The following ANXA10 variants were observed in gnomAD, a reference collection of about 807,000 sequenced individuals.
ANXA10 encodes annexin A10, also known as annexin 14.
A neutral mutation model predicts 53.5 loss-of-function variants in ANXA10; 49 were observed. That is an observed-to-expected ratio of 0.92 (90% CI 0.73 to 1.16). The LOEUF (loss-of-function observed/expected upper bound fraction) is 1.16, where lower values mean the gene tolerates loss of function less well. ANXA10 is among the 50% of genes most tolerant of loss of function. The pLI, the probability that ANXA10 is intolerant of heterozygous loss-of-function variation, is 0.00. For missense variants in ANXA10, 393 were observed against 394.4 expected (o/e 1.00, Z 0.03); for synonymous variants, 131 against 128.9 (o/e 1.02, Z -0.11).
chr4:168,183,766 A>T (rs1288810422), intron 10 of ANXA10, among the ~76,000 whole-genome samples: 2 of 152,184 alleles, frequency 1.3e-5, no homozygotes, highest in African/African-American at 4.8e-5. Flanking sequence ...TGAACTCTAA[A>T]GTGAACGATC....
intron 3 of ANXA10, among the ~76,000 whole-genome samples, chr4:168,147,497 T>C (rs1322918229): frequency 6.6e-6 from 1 of 152,200 alleles, no homozygotes; most frequent in Non-Finnish European, 1.5e-5. Flanking sequence ...TGGGGCTTCA[T>C]AGGTAGTAGC....
At chr4:168,173,498 C>T (rs1475180508) in intron 6 of ANXA10, among the ~76,000 whole-genome samples, 3 of 152,154 alleles carry the variant, frequency 2.0e-5, no homozygotes, top group Non-Finnish European at 4.4e-5. Context: ...GAAAAGACTA[C>T]AGGGAGCCAA....
At chr4:168,109,200 C>A (rs921919124) in intron 1 of ANXA10, among the ~76,000 whole-genome samples, 1 of 152,116 alleles carries the variant, frequency 6.6e-6, no homozygotes, top group African/African-American at 2.4e-5. Context: ...TTCTACCAAC[C>A]CTCACTTTCC....
At chr4:168,126,076 T>C (rs552640297) in intron 1 of ANXA10, among the ~76,000 whole-genome samples, 13 of 151,800 alleles carry the variant, frequency 8.6e-5, no homozygotes, top group Non-Finnish European at 1.9e-4. Flanking sequence ...CATTGAAAAA[T>C]GTACATTTTT....
At chr4:168,124,703 A>G (rs1731041476) in intron 1 of ANXA10, among the ~76,000 whole-genome samples, 1 of 152,226 alleles carries the variant, frequency 6.6e-6, no homozygotes, top group South Asian at 2.1e-4. Context: ...GGACATGTTC[A>G]TAAGCCTAGA....
intron 1 of ANXA10, among the ~76,000 whole-genome samples, chr4:168,112,204 G>A (rs1016397788): frequency 6.6e-6 from 1 of 152,140 alleles, no homozygotes; most frequent in Admixed American, 6.5e-5. Context: ...GCTGAGGCAG[G>A]AGAATTCCTT....
At chr4:168,119,669 C>T (rs1194766820) in intron 1 of ANXA10, among the ~76,000 whole-genome samples, 4 of 151,996 alleles carry the variant, frequency 2.6e-5, no homozygotes, top group Non-Finnish European at 4.4e-5. Context: ...TTATACGCTG[C>T]AAACAATTGA....
intron 6 of ANXA10, among the ~76,000 whole-genome samples, chr4:168,170,744 C>G (rs1197797689): frequency 6.6e-6 from 1 of 152,086 alleles, no homozygotes; most frequent in Non-Finnish European, 1.5e-5. Context: ...ATAAAGTTTA[C>G]TTTAACATTA....
At chr4:168,159,511 A>T (rs1310615479) in intron 3 of ANXA10, among the ~76,000 whole-genome samples, 1 of 152,138 alleles carries the variant, frequency 6.6e-6, no homozygotes, top group Non-Finnish European at 1.5e-5. Context: ...TAGTGATTCC[A>T]CCTGGGTCTA....
intron 3 of ANXA10, among the ~76,000 whole-genome samples, chr4:168,155,759 AATATATGATATATC>A (rs1731619921): frequency 4.0e-5 from 1 of 25,032 alleles, no homozygotes; most frequent in Non-Finnish European, 6.1e-5. Flanking sequence ...TATATTATAT[AATATATGATATATC>A]ATATATTATA....
chr4:168,097,664 G>T (rs1730573441), intron 1 of ANXA10, among the ~76,000 whole-genome samples: 1 of 152,030 alleles, frequency 6.6e-6, no homozygotes, highest in African/African-American at 2.4e-5. Flanking sequence ...ATCATTGCCT[G>T]CCAACTTCTG....
chr4:168,118,667 T>C (rs764203184), intron 1 of ANXA10, among the ~76,000 whole-genome samples: 1 of 152,210 alleles, frequency 6.6e-6, no homozygotes, highest in Non-Finnish European at 1.5e-5. Flanking sequence ...CTCTAGAGGA[T>C]TTCTCCTTCA....
At chr4:168,174,460 C>T (rs571127012) in intron 6 of ANXA10, among the ~76,000 whole-genome samples, 11 of 152,314 alleles carry the variant, frequency 7.2e-5, no homozygotes, top group African/African-American at 2.6e-4. Context: ...CACTCGCTCA[C>T]ACATCCCCTC....
chr4:168,161,892 A>G (rs905428772), intron 3 of ANXA10, among the ~76,000 whole-genome samples: 5 of 152,068 alleles, frequency 3.3e-5, no homozygotes, highest in African/African-American at 1.2e-4. Context: ...TAGGAAGAGC[A>G]TATATATATT....
At chr4:168,184,849 C>T (rs557177026) in intron 11 of ANXA10, among the ~76,000 whole-genome samples, 168 bp downstream of exon 11, 14 of 152,154 alleles carry the variant, frequency 9.2e-5, no homozygotes, top group Non-Finnish European at 1.5e-5. Context: ...TCGGCAGGTG[C>T]TAACTTAGAA....
In ANXA10 at chr4:168,156,105, ATAT is replaced by A. The variant is rs1434451411; in HGVS notation, c.196-6419_196-6417del. Among the ~76,000 whole-genome samples the A allele has an allele frequency of 2.0e-3, 95 of 47,526 alleles. 1 individual carries two copies. The highest frequency in any genetic ancestry group is 6.4e-3 in the African/African-American group (82 of 12,872). The allele number at this position is 47,526 out of a possible 152,430, so 31.2% of individuals were successfully genotyped here. A position where few individuals can be genotyped will look rare whatever the true frequency, so the allele number is the denominator to read the frequency against. On this transcript the variant is annotated intron_variant, in intron 3 of 11. Transcript: ENST00000359299. ...TATATATAATATTTATTATATATAAATATTATATTTATTTATATTTATATATAT... is the reference window on the plus strand; with the variant it reads ...TATATATAATATTTATTATATATAAATATATTTATTTATATTTATATATAT...
At chr4:168,122,794 A>G (rs966235263) in intron 1 of ANXA10, among the ~76,000 whole-genome samples, 16 of 152,160 alleles carry the variant, frequency 1.1e-4, no homozygotes, top group African/African-American at 3.1e-4. Flanking sequence ...TCAAGCCATG[A>G]GGTATCCACC....
intron 8 of ANXA10, 41 bp downstream of exon 8, chr4:168,178,024 T>A (rs939973219): frequency 1.3e-6 from 2 of 1,565,268 alleles, no homozygotes; most frequent in Admixed American, 1.7e-5. Context: ...CTTGACCAAT[T>A]ATATAACAAA....
intron 6 of ANXA10, among the ~76,000 whole-genome samples, chr4:168,168,461 C>A (rs1731921549): frequency 6.6e-6 from 1 of 151,980 alleles, no homozygotes; most frequent in African/African-American, 2.4e-5. Context: ...CTCTTGTCAC[C>A]CAGGCTGGAG....
Sources: gnomAD v4.1 joint callset for allele counts (sites outside exome capture counted in the v4.1 genomes callset) on GRCh38, gnomAD v4.1.1 for gene constraint, MANE v1.5 for transcripts, NCBI Gene and HGNC (gene_info 2026-07-23, HGNC 2026-07-21) for gene names.